Variants in LGMN observed in about 807,000 individuals in gnomAD.
LGMN encodes the protein legumain, also known as asparaginyl endopeptidase.
Under a neutral mutation model 56.8 loss-of-function variants are expected in LGMN, and 36 were observed. The observed-to-expected ratio is 0.63, with a 90% CI of 0.49 to 0.84. LGMN has a LOEUF of 0.84. Ranked by LOEUF, LGMN falls within the 40% of genes least tolerant of loss-of-function variation. The pLI, the probability that LGMN is intolerant of heterozygous loss-of-function variation, is 0.00. For synonymous variants in LGMN, 199 were observed against 210.1 expected (o/e 0.95, Z 0.46); for missense variants, 446 against 556.1 (o/e 0.80, Z 1.99).
At chr14:92,739,032 C>A (rs796328081) in intron 1 of LGMN, among the ~76,000 whole-genome samples, 3,927 of 145,748 alleles carry the variant, frequency 0.027, 97 homozygotes, top group South Asian at 0.097. Flanking sequence ...AAAAAAAAAA[C>A]AAAAAAAACC....
intron 2 of LGMN, among the ~76,000 whole-genome samples, chr14:92,723,149 C>A (rs756039798): frequency 6.6e-6 from 1 of 151,858 alleles, no homozygotes; most frequent in East Asian, 1.9e-4. Flanking sequence ...CGGGTGCAAG[C>A]GATGCTACTG....
chr14:92,712,964 C>T, intron 7 of LGMN, 93 bp from the exon 8 acceptor site: 2 of 1,114,998 alleles, frequency 1.8e-6, no homozygotes, highest in South Asian at 3.0e-5. Flanking sequence ...CTACCCATTC[C>T]TAACAAGTCC....
chr14:92,717,372 C>T lies in LGMN; in HGVS notation c.318+8G>A. The T allele has an allele frequency of 1.3e-6, 2 of 1,552,374 alleles. No individual in the cohort carries two copies. The highest frequency in any genetic ancestry group is 1.8e-6 in the Non-Finnish European group (2 of 1,133,730). ...AACCAGCTGGCTCCAACCGTAGAAG[C>T]CACTCACCTCTCCAGTGTAGTCCTT... On this transcript the variant is annotated splice_region_variant and intron_variant, in intron 4 of 13. Transcript: ENST00000334869.
chr14:92,727,674 C>G (rs889292976), intron 2 of LGMN, among the ~76,000 whole-genome samples: 1 of 152,146 alleles, frequency 6.6e-6, no homozygotes, highest in African/African-American at 2.4e-5. Flanking sequence ...TTCAAACCCA[C>G]GTCAAGCCTC....
chr14:92,721,909 C>T (rs1025002619), intron 2 of LGMN, among the ~76,000 whole-genome samples: 5 of 152,056 alleles, frequency 3.3e-5, no homozygotes, highest in African/African-American at 9.7e-5. Flanking sequence ...TTTAAAAATA[C>T]GCAAACAAGT....
chr14:92,708,193 T>G (rs1445961391), intron 11 of LGMN, among the ~76,000 whole-genome samples: 1 of 151,802 alleles, frequency 6.6e-6, no homozygotes, highest in African/African-American at 2.4e-5. Context: ...TGGTTCACTT[T>G]CTGTGAACTA....
chr14:92,706,967 T>C (rs535298805), intron 11 of LGMN, among the ~76,000 whole-genome samples: 1 of 152,088 alleles, frequency 6.6e-6, no homozygotes, highest in Non-Finnish European at 1.5e-5. Flanking sequence ...GCCGTGAGGG[T>C]GCTGTGTCCA....
intron 1 of LGMN, among the ~76,000 whole-genome samples, chr14:92,738,011 A>G (rs1461261787): frequency 1.3e-5 from 2 of 152,282 alleles, no homozygotes; most frequent in Middle Eastern, 3.4e-3. Context: ...AGTCTCAAAG[A>G]GCGTCATTCC....
chr14:92,719,184 C>T (rs1388308729), intron 2 of LGMN, among the ~76,000 whole-genome samples: 129 of 124,542 alleles, frequency 1.0e-3, no homozygotes, highest in African/African-American at 4.2e-3. Context: ...CCACCACCAT[C>T]ACCACCACCG....
At chr14:92,734,753 C>A (rs1476106213) in intron 1 of LGMN, among the ~76,000 whole-genome samples, 1 of 152,174 alleles carries the variant, frequency 6.6e-6, no homozygotes, top group Non-Finnish European at 1.5e-5. Context: ...CAGCACCAAG[C>A]CTGTGCCTCC....
In LGMN at chr14:92,709,149, C is replaced by G. The variant is rs990984544; in HGVS notation, c.1020+523G>C. 2.2e-4 allele frequency among the ~76,000 whole-genome samples: 34 copies of G among 151,638 alleles called. 1 individual carries two copies. The highest frequency in any genetic ancestry group is 7.7e-4 in the African/African-American group (32 of 41,294). On this transcript the variant is annotated intron_variant, in intron 11 of 13. Transcript: ENST00000334869. ...AGGCATGACTATGTTTTTCTGAGAA[C>G]AGCAGAAATTTTTGTGGATTGGATT...
chr14:92,747,643 C>T (rs181325555), intron 1 of LGMN, among the ~76,000 whole-genome samples: 3 of 152,352 alleles, frequency 2.0e-5, no homozygotes, highest in South Asian at 2.1e-4. Context: ...GAACTGTTCA[C>T]TAGAGATTGT....
At chr14:92,712,206 T>C (rs556461491) in intron 8 of LGMN, among the ~76,000 whole-genome samples, 1 of 152,300 alleles carries the variant, frequency 6.6e-6, no homozygotes, top group East Asian at 1.9e-4. Flanking sequence ...TTGGCATGCT[T>C]AGGACATCAT....
chr14:92,742,426 T>C (rs1227566062), intron 1 of LGMN, among the ~76,000 whole-genome samples: 1 of 150,648 alleles, frequency 6.6e-6, no homozygotes, highest in Non-Finnish European at 1.5e-5. Context: ...GCCTCCAGAG[T>C]AGCTGAGATT....
chr14:92,704,601 T>C (rs1889327401), intron 13 of LGMN, 39 bp downstream of exon 13: 1 of 1,540,908 alleles, frequency 6.5e-7, no homozygotes, highest in Non-Finnish European at 9.0e-7. Context: ...GCTTTCAGAA[T>C]GACATCGACC....
intron 1 of LGMN, among the ~76,000 whole-genome samples, chr14:92,739,674 G>A (rs562003249): frequency 5.3e-5 from 8 of 152,306 alleles, no homozygotes; most frequent in Admixed American, 4.6e-4. Context: ...GGAGTGGGAG[G>A]TGTCATTTGT....
At chr14:92,716,355 G>T in intron 4 of LGMN, 134 bp from the exon 5 acceptor site, 1 of 708,296 alleles carries the variant, frequency 1.4e-6, no homozygotes, top group South Asian at 1.5e-5. Flanking sequence ...ACTTTTGGTC[G>T]GGTGCCGTGG....
intron 4 of LGMN, 22 bp from the exon 5 acceptor site, chr14:92,716,243 A>G: frequency 6.5e-7 from 1 of 1,548,876 alleles, no homozygotes; most frequent in Non-Finnish European, 8.9e-7. Context: ...TAGGAGCCAC[A>G]ATCAGATGCA....
At chr14:92,704,483 G>A in intron 13 of LGMN, 122 bp from the exon 14 acceptor site, 1 of 1,053,180 alleles carries the variant, frequency 9.5e-7, no homozygotes, top group Non-Finnish European at 1.5e-6. Context: ...CTGTCACTGA[G>A]AACGTGGCTT....
Sources: gnomAD v4.1 joint callset for allele counts (sites outside exome capture counted in the v4.1 genomes callset) on GRCh38, gnomAD v4.1.1 for gene constraint, MANE v1.5 for transcripts, NCBI Gene and HGNC (gene_info 2026-07-23, HGNC 2026-07-21) for gene names.